Variants in CNTNAP3B observed in about 807,000 individuals in gnomAD.
The protein encoded by CNTNAP3B is contactin-associated protein-like 3B.
In CNTNAP3B, 25 loss-of-function variants were observed where a neutral mutation model predicts 108.9. The observed-to-expected ratio is 0.23, with a 90% CI of 0.17 to 0.32. The LOEUF (loss-of-function observed/expected upper bound fraction) is 0.32, where lower values mean the gene tolerates loss of function less well. CNTNAP3B is among the 10% of genes least tolerant of loss of function. CNTNAP3B has a pLI of 1.00. For missense variants in CNTNAP3B, 252 were observed against 1,210.4 expected (o/e 0.21, Z 11.75); for synonymous variants, 103 against 473.4 (o/e 0.22, Z 10.16).
chr9:42,109,415 A>G (rs1828144722), intron 1 of CNTNAP3B, among the ~76,000 whole-genome samples: 2 of 146,534 alleles, frequency 1.4e-5, no homozygotes, highest in East Asian at 2.0e-4. Context: ...ACAGCAATTC[A>G]TTATTCTGGG....
chr9:42,098,506 C>T (rs1827956955), intron 2 of CNTNAP3B, among the ~76,000 whole-genome samples: 1 of 99,020 alleles, frequency 1.0e-5, no homozygotes. Flanking sequence ...TGGCATGAAC[C>T]TGGGAGGTGG....
intron 13 of CNTNAP3B, among the ~76,000 whole-genome samples, chr9:41,949,980 C>T (rs1824629648): frequency 1.3e-5 from 2 of 151,736 alleles, no homozygotes; most frequent in Non-Finnish European, 2.9e-5. Flanking sequence ...AATCACATAT[C>T]CAACAAAAGG....
At chr9:42,109,917 G>A (rs1365037995) in intron 1 of CNTNAP3B, among the ~76,000 whole-genome samples, 2 of 137,570 alleles carry the variant, frequency 1.5e-5, no homozygotes, top group African/African-American at 5.8e-5. Context: ...AGAGAAGAGG[G>A]TGTGAAAATG....
intron 13 of CNTNAP3B, among the ~76,000 whole-genome samples, chr9:41,945,000 C>A (rs1228985881): frequency 1.3e-5 from 2 of 151,492 alleles, no homozygotes; most frequent in Admixed American, 6.6e-5. Context: ...ATGCAGCCAA[C>A]AGACACATGA....
At position 42,079,858 on chromosome 9, in the gene CNTNAP3B, A is replaced by G. The variant is rs969566456; in HGVS notation, c.197-2796T>C. Among the ~76,000 whole-genome samples the G allele has an allele frequency of 5.9e-5, 8 of 134,924 alleles. 1 individual carries two copies. Among genetic ancestry groups the G allele is most frequent in the African/African-American group, 2.4e-4 (8 of 33,284 alleles). 88.5% of individuals were successfully genotyped at this position (134,924 alleles called of 152,430 possible). On this transcript the variant is annotated intron_variant, in intron 2 of 23. Transcript: ENST00000377561. ...TTTTAAAAGAGTTGGGAGAAGGTGA[A>G]GGAGATGCTAACAGCCAACCCATCA...
At chr9:41,937,290 C>A (rs1318941129) in intron 14 of CNTNAP3B, among the ~76,000 whole-genome samples, 1 of 151,762 alleles carries the variant, frequency 6.6e-6, no homozygotes, top group East Asian at 1.9e-4. Context: ...CCACACCTGG[C>A]TAATTTTTGT....
At chr9:41,990,119 C>T (rs1825779152) in intron 8 of CNTNAP3B, among the ~76,000 whole-genome samples, 1 of 128,022 alleles carries the variant, frequency 7.8e-6, no homozygotes, top group Non-Finnish European at 1.6e-5. Context: ...AAATGTACAT[C>T]ACAGTCTGGC....
chr9:42,002,713 A>G (rs1826025266), intron 4 of CNTNAP3B, among the ~76,000 whole-genome samples: 1 of 120,244 alleles, frequency 8.3e-6, no homozygotes, highest in Non-Finnish European at 1.7e-5. Flanking sequence ...TTTCTGCCAC[A>G]TTCACAGTGA....
rs545674255 is a variant in CNTNAP3B, at chr9:42,107,560, A to C, written c.86-2821T>G. Among the ~76,000 whole-genome samples, 377 of 123,912 alleles carry C rather than the reference A, an allele frequency of 3.0e-3. 40 individuals are homozygous for C. Among genetic ancestry groups the C allele is most frequent in the Middle Eastern group, 0.015 (4 of 262 alleles). 81.3% of individuals were successfully genotyped at this position (123,912 alleles called of 152,430 possible). A position where few individuals can be genotyped will look rare whatever the true frequency, so the allele number is the denominator to read the frequency against. On this transcript the variant is annotated intron_variant, in intron 1 of 23. Transcript: ENST00000377561. ...AATCTGTAAAGACAGCTGGAAACAAAATTGCTGAAATTTTCCATTTCGCCT... is the reference window on the plus strand; with the variant it reads ...AATCTGTAAAGACAGCTGGAAACAACATTGCTGAAATTTTCCATTTCGCCT...
At chr9:41,964,210 A>C (rs1413218953) in intron 11 of CNTNAP3B, among the ~76,000 whole-genome samples, 36 of 152,364 alleles carry the variant, frequency 2.4e-4, no homozygotes, top group Non-Finnish European at 4.4e-4. Flanking sequence ...TTATGGTCCA[A>C]CTCAAGTAAT....
Position 41,932,984 on chromosome 9 carries a change from C to G in CNTNAP3B, c.2238-3540G>C, listed in dbSNP as rs1466137563. 2.6e-5 allele frequency among the ~76,000 whole-genome samples: 4 copies of G among 152,424 alleles called. No homozygotes were observed. The East Asian group carries it at 7.7e-4, about 29-fold the overall frequency. ...ACTACAGCAATACAGTATGTCTTGA[C>G]AGCTAACAGAACTAGTTTCTTCACT... On this transcript the variant is annotated intron_variant, in intron 14 of 23. Coordinates refer to ENST00000377561, the MANE Select transcript of CNTNAP3B (RefSeq NM_001201380.3).
intron 2 of CNTNAP3B, among the ~76,000 whole-genome samples, chr9:42,094,163 A>G (rs1246256036): frequency 1.4e-5 from 2 of 138,952 alleles, no homozygotes; most frequent in East Asian, 2.2e-4. Context: ...AAAGCATACA[A>G]ACACCTAGTA....
intron 9 of CNTNAP3B, chr9:41,979,877 C>A (rs1825592547): frequency 7.8e-6 from 1 of 127,714 alleles, no homozygotes; most frequent in Admixed American, 7.9e-5. Context: ...GCGTGGGCCA[C>A]CACCTAAGAT....
In CNTNAP3B at chr9:42,116,177, G is replaced by A. The variant is rs1205104341; in HGVS notation, c.86-11438C>T. On this transcript the variant is annotated intron_variant, in intron 1 of 23. Coordinates refer to ENST00000377561, the MANE Select transcript of CNTNAP3B (RefSeq NM_001201380.3). Reference sequence around the variant, plus strand: ...AGAAAAGAAGTTTAGAGAAAAAAGAGTAAAAAGAAATGAACAAAGCCTCCA... The same window carrying A: ...AGAAAAGAAGTTTAGAGAAAAAAGAATAAAAAGAAATGAACAAAGCCTCCA... Among the ~76,000 whole-genome samples the A allele has an allele frequency of 4.3e-5, 6 of 138,534 alleles. 1 individual carries two copies. The highest frequency in any genetic ancestry group is 1.4e-4 in the African/African-American group (5 of 34,804). The allele number at this position is 138,534 out of a possible 152,430, so 90.9% of individuals were successfully genotyped here.
Position 42,124,827 on chromosome 9 carries a change from T to C in CNTNAP3B, c.85+4183A>G, listed in dbSNP as rs1279562071. Among the ~76,000 whole-genome samples the C allele has an allele frequency of 1.3e-4, 17 of 135,100 alleles. 4 individuals carry two copies. In the Admixed American group the frequency reaches 1.3e-3, roughly 10 times the overall value. 88.6% of individuals were successfully genotyped at this position (135,100 alleles called of 152,430 possible). The stretch of plus-strand genomic sequence containing the variant: ...CATTCAGAAATCCAGGCTAATTTGA[T>C]TTAGAGACATATATAAATGAACTGT... On this transcript the variant is annotated intron_variant, in intron 1 of 23. Coordinates refer to ENST00000377561, the MANE Select transcript of CNTNAP3B (RefSeq NM_001201380.3).
chr9:41,937,189 G>A lies in CNTNAP3B; in HGVS notation c.2237+1055C>T, dbSNP rs570597895. On this transcript the variant is annotated intron_variant, in intron 14 of 23. Coordinates refer to ENST00000377561, the MANE Select transcript of CNTNAP3B (RefSeq NM_001201380.3). ...GTCGCCCAGGCTGGAGTGCAGTGGC[G>A]CGATCTCAGCTCACTGCAACCTCTA... 1.9e-3 allele frequency among the ~76,000 whole-genome samples: 282 copies of A among 148,744 alleles called. 1 individual carries two copies. The highest frequency in any genetic ancestry group is 6.5e-3 in the African/African-American group (259 of 39,704).
chr9:41,922,552 CAGCAAAT>C (rs1823698899), intron 17 of CNTNAP3B, 118 bp downstream of exon 17: 2 of 1,419,616 alleles, frequency 1.4e-6, no homozygotes, highest in Admixed American at 4.1e-5. Flanking sequence ...ACCAGGTTAT[CAGCAAAT>C]AGTACCAATA....
intron 6 of CNTNAP3B, among the ~76,000 whole-genome samples, chr9:41,997,217 A>T (rs1338621650): frequency 6.7e-6 from 1 of 149,974 alleles, no homozygotes; most frequent in Non-Finnish European, 1.5e-5. Flanking sequence ...AAGAAAAAAA[A>T]TCCCCCAGGA....
chr9:41,999,548 T>C lies in CNTNAP3B; in HGVS notation c.539-944A>G, dbSNP rs1447485930. ...CTCTCTCTCTACACACACACACACA[T>C]ACACACACACACACACACACAGGCA... On this transcript the variant is annotated intron_variant, in intron 4 of 23. Transcript: ENST00000377561. 4.9e-4 allele frequency among the ~76,000 whole-genome samples: 58 copies of C among 118,962 alleles called. 5 individuals carry two copies. The highest frequency in any genetic ancestry group is 5.2e-4 in the Admixed American group (6 of 11,614). The allele number at this position is 118,962 out of a possible 152,430, so 78.0% of individuals were successfully genotyped here. A position where few individuals can be genotyped will look rare whatever the true frequency, so the allele number is the denominator to read the frequency against.
Sources: allele counts gnomAD v4.1 joint callset (sites outside exome capture counted in the v4.1 genomes callset), GRCh38; gene constraint gnomAD v4.1.1; transcripts MANE v1.5; gene names NCBI Gene and HGNC (gene_info 2026-07-23, HGNC 2026-07-21).